The following MYOD1 variants were observed in gnomAD, a reference collection of about 807,000 sequenced individuals.
The protein encoded by MYOD1 is myoblast determination protein 1.
In MYOD1, 15 loss-of-function variants were observed where a neutral mutation model predicts 14.9. The ratio of observed to expected loss-of-function variants is 1.01; its 90% confidence interval spans 0.67 to 1.55. The LOEUF (loss-of-function observed/expected upper bound fraction) is 1.55. Ranked by LOEUF, MYOD1 falls within the 40% of genes most tolerant of loss-of-function variation. MYOD1 has a pLI of 0.00. For synonymous variants in MYOD1, 235 were observed against 218.6 expected, an observed-to-expected ratio of 1.07 and a Z score of -0.66; for missense variants, 529 against 482.6, an observed-to-expected ratio of 1.10 and a Z score of -0.90.
chr11:17,719,752 A>T lies in MYOD1; in HGVS notation c.-31A>T, dbSNP rs1848617101. The T allele has an allele frequency of 6.3e-7, 1 of 1,595,614 alleles. No homozygotes were observed. The highest frequency in any genetic ancestry group is 1.1e-5 in the South Asian group (1 of 87,642). On this transcript the variant is annotated 5_prime_UTR_variant, in exon 1 of 3. In the 5' UTR this introduces an upstream ATG that the reference lacks. Transcript: ENST00000250003. ...ACTCTCTGCCGCTTGGGTTGGGCGA[A>T]GCCAGGACCGTGCCGCGCCACCGCC...
Position 17,720,361 on chromosome 11 carries a change from C to A in MYOD1, c.579C>A (p.Tyr193Ter). 1 of 1,558,700 alleles carries A rather than the reference C, an allele frequency of 6.4e-7. No homozygotes were observed. Residue 193 changes from tyrosine to a stop codon, truncating the protein, a stop_gained, in exon 1 of 3, where the codon TAC (tyrosine) becomes TAA (stop). Coordinates refer to ENST00000250003, the MANE Select transcript of MYOD1 (RefSeq NM_002478.5). LOFTEE classifies it high-confidence loss of function. The stretch of plus-strand genomic sequence containing the variant: ...CCCCGGGCCGCGGCGGCGAGCACTA[C>A]AGCGGCGACTCCGACGCGTCCAGCC... ...PLPPGRGGEH[Y>*]SGDSDASSPR...
Position 17,721,033 on chromosome 11 carries a change from C to A in MYOD1, c.709+53C>A, listed in dbSNP as rs1019101387. 4.0e-6 allele frequency: 6 copies of A among 1,509,992 alleles called. No individual in the cohort carries two copies. In the African/African-American group the frequency reaches 5.6e-5, roughly 14 times the overall value. The allele number at this position is 1,509,992 out of a possible 1,614,324, so 93.5% of individuals were successfully genotyped here. A position where few individuals can be genotyped will look rare whatever the true frequency, so the allele number is the denominator to read the frequency against. On this transcript the variant is annotated intron_variant, in intron 2 of 2. Coordinates refer to ENST00000250003, the MANE Select transcript of MYOD1 (RefSeq NM_002478.5). The surrounding 1 kb of genome is among the most constrained non-coding windows in gnomAD (Gnocchi z 6.2). ...GCTCCTCCTCCTTCATGGAGCTGTCCTGGCCTCTATCTAGGACGCTCCCAC... is the reference window on the plus strand; with the variant it reads ...GCTCCTCCTCCTTCATGGAGCTGTCATGGCCTCTATCTAGGACGCTCCCAC...
Position 17,719,678 on chromosome 11 carries a change from C to A in MYOD1, c.-105C>A. On this transcript the variant is annotated 5_prime_UTR_variant, in exon 1 of 3. Transcript: ENST00000250003. ...AGTGGGTGGGCATTCAGACTGCCAG[C>A]ACTTTGCTATCTACAGCCGGGGCTC... is the stretch of plus-strand genomic sequence containing the variant. 2 of 1,408,202 alleles carry A rather than the reference C, an allele frequency of 1.4e-6. No homozygotes were observed. The highest frequency in any genetic ancestry group is 1.4e-5 in the African/African-American group (1 of 69,918). The allele number at this position is 1,408,202 out of a possible 1,614,324, so 87.2% of individuals were successfully genotyped here.
In MYOD1 at chr11:17,720,304, C is replaced by T. The variant is rs757960106; in HGVS notation, c.522C>T (p.Ala174=). 1.9e-6 allele frequency: 3 copies of T among 1,590,276 alleles called. No homozygotes were observed. Among genetic ancestry groups the T allele is most frequent in the South Asian group, 1.1e-5 (1 of 88,668 alleles). Residue 174 remains alanine, a synonymous_variant, in exon 1 of 3, where the codon GCC becomes GCT. Coordinates refer to ENST00000250003, the MANE Select transcript of MYOD1 (RefSeq NM_002478.5). ...ACCAGGACGCCGCGCCCCCTGGCGCCGCAGCCGCCTTCTATGCGCCGGGCC... is the reference window on the plus strand; with the variant it reads ...ACCAGGACGCCGCGCCCCCTGGCGCTGCAGCCGCCTTCTATGCGCCGGGCC... ...LRDQDAAPPG[A]AAAFYAPGPL...
chr11:17,720,117 A>G lies in MYOD1; in HGVS notation c.335A>G (p.Lys112Arg). Residue 112 changes from lysine (K) to arginine (R), a missense_variant, in exon 1 of 3, where the codon AAG (lysine) becomes AGG (arginine). Lys to Arg is a conservative substitution (Grantham distance 26, BLOSUM62 2). Coordinates refer to ENST00000250003, the MANE Select transcript of MYOD1 (RefSeq NM_002478.5). ...AAGACCACCAACGCCGACCGCCGCAAGGCCGCCACCATGCGCGAGCGGCGC... is the reference window on the plus strand; with the variant it reads ...AAGACCACCAACGCCGACCGCCGCAGGGCCGCCACCATGCGCGAGCGGCGC... ...KRKTTNADRR[K>R]AATMRERRRL... 6.3e-7 allele frequency: 1 copy of G among 1,589,356 alleles called. No homozygotes were observed. Among genetic ancestry groups the G allele is most frequent in the Non-Finnish European group, 8.6e-7 (1 of 1,168,598 alleles).
At position 17,722,023 on chromosome 11, in the gene MYOD1, A is replaced by G. The variant is rs369764128; in HGVS notation, c.*515A>G. 2.1e-4 allele frequency: 43 copies of G among 208,624 alleles called. No individual in the cohort carries two copies. The East Asian group carries it at 2.9e-3, about 14-fold the overall frequency. 12.9% of individuals were successfully genotyped at this position (208,624 alleles called of 1,614,324 possible). Reference sequence around the variant, plus strand: ...AGCAGGAGCCCCTGGGGCTGTATTTATCTCTGAGGCATGGTGTGTGGTGCT... The same window carrying G: ...AGCAGGAGCCCCTGGGGCTGTATTTGTCTCTGAGGCATGGTGTGTGGTGCT... On this transcript the variant is annotated 3_prime_UTR_variant, in exon 3 of 3. Transcript: ENST00000250003.
rs776025790 is a variant in MYOD1, at chr11:17,721,468, C to T, written c.923C>T (p.Pro308Leu). Reference sequence around the variant, plus strand: ...TCACCGGACGCCGCCCCGCAGTGCCCTGCGGGTGCGAACCCCAACCCGATA... The same window carrying T: ...TCACCGGACGCCGCCCCGCAGTGCCTTGCGGGTGCGAACCCCAACCCGATA... ...TQSPDAAPQC[P>L]AGANPNPIYQ... The change falls in exon 3 of 3, where the codon CCT (proline) becomes CTT (leucine). Residue 308 changes from proline to leucine, a missense_variant. Pro to Leu is a moderately conservative substitution (Grantham distance 98). Transcript: ENST00000250003. The surrounding 1 kb of genome is among the most constrained non-coding windows in gnomAD (Gnocchi z 6.2). 1.3e-6 allele frequency: 2 copies of T among 1,588,810 alleles called. No individual in the cohort carries two copies. Among genetic ancestry groups the T allele is most frequent in the South Asian group, 2.2e-5 (2 of 89,678 alleles).
chr11:17,721,014 C>A lies in MYOD1; in HGVS notation c.709+34C>A. ...TCCGGGCCTCTCCCTGCTCGCTCCT[C>A]CTCCTTCATGGAGCTGTCCTGGCCT... is the stretch of plus-strand genomic sequence containing the variant. On this transcript the variant is annotated intron_variant, in intron 2 of 2. Coordinates refer to ENST00000250003, the MANE Select transcript of MYOD1 (RefSeq NM_002478.5). This position sits in a 1 kb window ranked among gnomAD's most constrained non-coding sequence, Gnocchi z 6.2. 6.5e-7 allele frequency: 1 copy of A among 1,545,094 alleles called. No individual in the cohort carries two copies. Among genetic ancestry groups the A allele is most frequent in the Non-Finnish European group, 8.7e-7 (1 of 1,143,636 alleles).
At position 17,719,890 on chromosome 11, in the gene MYOD1, C is replaced by A. The variant is rs370376413; in HGVS notation, c.108C>A (p.Asp36Glu). The change falls in exon 1 of 3, where the codon GAC (aspartate) becomes GAA (glutamate). Residue 36 changes from aspartate (D) to glutamate (E), a missense_variant. Physicochemically the swap from Asp to Glu is conservative, Grantham distance 45. Transcript: ENST00000250003. ...TDDFYDDPCFDSPDLRFFEDL... is the reference protein window; with the variant it reads ...TDDFYDDPCFESPDLRFFEDL... ...ACTTCTATGACGACCCGTGTTTCGA[C>A]TCCCCGGACCTGCGCTTCTTCGAAG... The A allele has an allele frequency of 6.2e-7, 1 of 1,613,964 alleles. No individual in the cohort carries two copies. The highest frequency in any genetic ancestry group is 2.2e-5 in the East Asian group (1 of 44,858).
Position 17,721,537 on chromosome 11 carries a change from G to A in MYOD1, c.*29G>A. 4 of 1,496,658 alleles carry A rather than the reference G, an allele frequency of 2.7e-6. No homozygotes were observed. The highest frequency in any genetic ancestry group is 3.5e-6 in the Non-Finnish European group (4 of 1,129,102). 92.7% of individuals were successfully genotyped at this position (1,496,658 alleles called of 1,614,324 possible). On this transcript the variant is annotated 3_prime_UTR_variant, in exon 3 of 3. Coordinates refer to ENST00000250003, the MANE Select transcript of MYOD1 (RefSeq NM_002478.5). This position sits in a 1 kb window ranked among gnomAD's most constrained non-coding sequence, Gnocchi z 6.2. ...GATGGTGGCCGCCCACCCGCCCGAG[G>A]GATGGTGCCCCTAGGGTCCCTCGCG...
At position 17,720,901 on chromosome 11, in the gene MYOD1, G is replaced by C; in HGVS notation, c.631-1G>C. On this transcript the variant is annotated splice_acceptor_variant, in intron 1 of 2. Transcript: ENST00000250003. LOFTEE classifies it high-confidence loss of function. ...GACTCAGTCGCCCTTGCTGTTTGCA[G>C]ATGGACTACAGCGGCCCCCCGAGCG... 2 of 1,611,864 alleles carry C rather than the reference G, an allele frequency of 1.2e-6. No individual in the cohort carries two copies. The highest frequency in any genetic ancestry group is 1.7e-6 in the Non-Finnish European group (2 of 1,179,520).
chr11:17,721,597 C>G lies in MYOD1; in HGVS notation c.*89C>G. On this transcript the variant is annotated 3_prime_UTR_variant, in exon 3 of 3. Coordinates refer to ENST00000250003, the MANE Select transcript of MYOD1 (RefSeq NM_002478.5). The surrounding 1 kb of genome is among the most constrained non-coding windows in gnomAD (Gnocchi z 6.2). ...TTGAACTTAAATGCCCCCCTCCCAACAGCGCTTTAAAAGCGACCTCTCTTG... is the reference window on the plus strand; with the variant it reads ...TTGAACTTAAATGCCCCCCTCCCAAGAGCGCTTTAAAAGCGACCTCTCTTG... 1.4e-6 allele frequency: 2 copies of G among 1,426,346 alleles called. No individual in the cohort carries two copies. Among genetic ancestry groups the G allele is most frequent in the Non-Finnish European group, 1.8e-6 (2 of 1,087,084 alleles). The allele number at this position is 1,426,346 out of a possible 1,614,324, so 88.4% of individuals were successfully genotyped here.
Position 17,720,285 on chromosome 11 carries a change from A to G in MYOD1, c.503A>G (p.Asp168Gly), listed in dbSNP as rs144403499. ...CTGCAGGCTCTGCTGCGCGACCAGG[A>G]CGCCGCGCCCCCTGGCGCCGCAGCC... ...EGLQALLRDQDAAPPGAAAAF... is the reference protein window; with the variant it reads ...EGLQALLRDQGAAPPGAAAAF... Residue 168 changes from aspartate to glycine, a missense_variant, in exon 1 of 3, where the codon GAC (aspartate) becomes GGC (glycine). Asp to Gly is a moderately conservative substitution (Grantham distance 94). Coordinates refer to ENST00000250003, the MANE Select transcript of MYOD1 (RefSeq NM_002478.5). 60 of 1,594,540 alleles carry G rather than the reference A, an allele frequency of 3.8e-5. No homozygotes were observed. In the African/African-American group the frequency reaches 7.5e-4, roughly 20 times the overall value.
chr11:17,721,227 G>A lies in MYOD1; in HGVS notation c.710-28G>A. 6.6e-7 allele frequency: 1 copy of A among 1,504,444 alleles called. No homozygotes were observed. Among genetic ancestry groups the A allele is most frequent in the Non-Finnish European group, 8.9e-7 (1 of 1,128,316 alleles). The allele number at this position is 1,504,444 out of a possible 1,614,324, so 93.2% of individuals were successfully genotyped here. ...GGAGGCTTGTCGCGGCCCCACCCCT[G>A]CTTACTAACCGAGCCCTCCCCGCGC... On this transcript the variant is annotated intron_variant, in intron 2 of 2. Coordinates refer to ENST00000250003, the MANE Select transcript of MYOD1 (RefSeq NM_002478.5). This position sits in a 1 kb window ranked among gnomAD's most constrained non-coding sequence, Gnocchi z 6.2.
rs551798305 is a variant in MYOD1, at chr11:17,720,468, G to A, written c.630+56G>A. 26 of 1,483,948 alleles carry A rather than the reference G, an allele frequency of 1.8e-5. No homozygotes were observed. The South Asian group carries it at 3.3e-4, about 19-fold the overall frequency. 91.9% of individuals were successfully genotyped at this position (1,483,948 alleles called of 1,614,324 possible). A position where few individuals can be genotyped will look rare whatever the true frequency, so the allele number is the denominator to read the frequency against. ...TTAGGGCGGCGCTCGGGATATCAGGGACGCGTTTCCGAGGGCGGGGAGCTG... is the reference window on the plus strand; with the variant it reads ...TTAGGGCGGCGCTCGGGATATCAGGAACGCGTTTCCGAGGGCGGGGAGCTG... On this transcript the variant is annotated intron_variant, in intron 1 of 2. Transcript: ENST00000250003.
chr11:17,721,311 G>A lies in MYOD1; in HGVS notation c.766G>A (p.Val256Met), dbSNP rs755444576. The change falls in exon 3 of 3, where the codon GTG becomes ATG. Residue 256 changes from valine (V) to methionine (M), a missense_variant. By Grantham distance (21) the Val-to-Met change is conservative. Transcript: ENST00000250003. The surrounding 1 kb of genome is among the most constrained non-coding windows in gnomAD (Gnocchi z 6.2). ...GAGCCTAGACTGCCTGTCCAGCATC[G>A]TGGAGCGCATCTCCACCGAGAGCCC... ...VSSLDCLSSI[V>M]ERISTESPAA... is the part of the protein sequence containing the mutation. 1.3e-6 allele frequency: 2 copies of A among 1,594,910 alleles called. No individual in the cohort carries two copies. Among genetic ancestry groups the A allele is most frequent in the Non-Finnish European group, 1.7e-6 (2 of 1,176,414 alleles).
rs868484942 is a variant in MYOD1 at position 17,720,245 on chromosome 11, C to T, written c.463C>T (p.Arg155Cys). The T allele has an allele frequency of 1.2e-6, 2 of 1,607,396 alleles. No individual in the cohort carries two copies. ...PKVEILRNAI[R>C]YIEGLQALLR... Reference sequence around the variant, plus strand: ...GGTGGAGATCCTGCGCAACGCCATCCGCTATATCGAGGGCCTGCAGGCTCT... The same window carrying T: ...GGTGGAGATCCTGCGCAACGCCATCTGCTATATCGAGGGCCTGCAGGCTCT... The change falls in exon 1 of 3, where the codon CGC (arginine) becomes TGC (cysteine). Residue 155 changes from arginine to cysteine, a missense_variant. Transcript: ENST00000250003.
rs1848633529 is a variant in MYOD1, at chr11:17,721,188, T to A, written c.710-67T>A. 6.9e-7 allele frequency: 1 copy of A among 1,452,648 alleles called. No homozygotes were observed. The highest frequency in any genetic ancestry group is 9.1e-7 in the Non-Finnish European group (1 of 1,102,730). The allele number at this position is 1,452,648 out of a possible 1,614,324, so 90.0% of individuals were successfully genotyped here. On this transcript the variant is annotated intron_variant, in intron 2 of 2. Coordinates refer to ENST00000250003, the MANE Select transcript of MYOD1 (RefSeq NM_002478.5). This position sits in a 1 kb window ranked among gnomAD's most constrained non-coding sequence, Gnocchi z 6.2. The stretch of plus-strand genomic sequence containing the variant: ...CAGTTTCCAATCTGTCTCAAAGTAC[T>A]GGGCCCGGGGGTGGGAGGCTTGTCG...
At position 17,721,098 on chromosome 11, in the gene MYOD1, G is replaced by A. The variant is rs535268000; in HGVS notation, c.709+118G>A. On this transcript the variant is annotated intron_variant, in intron 2 of 2. Coordinates refer to ENST00000250003, the MANE Select transcript of MYOD1 (RefSeq NM_002478.5). The surrounding 1 kb of genome is among the most constrained non-coding windows in gnomAD (Gnocchi z 6.2). ...GCCTATGTCCTGGGAAGTGGTGCAG[G>A]AGATGAAATACTAAGCAAGTAGCTC... 3.5e-6 allele frequency: 5 copies of A among 1,413,470 alleles called. No individual in the cohort carries two copies. The highest frequency in any genetic ancestry group is 2.9e-5 in the Admixed American group (1 of 34,590). The allele number at this position is 1,413,470 out of a possible 1,614,324, so 87.6% of individuals were successfully genotyped here. A position where few individuals can be genotyped will look rare whatever the true frequency, so the allele number is the denominator to read the frequency against.
Sources: allele counts gnomAD v4.1 joint callset, GRCh38; gene constraint gnomAD v4.1.1; non-coding constraint Gnocchi (gnomAD v3.1); transcripts MANE v1.5; gene names NCBI Gene and HGNC (gene_info 2026-07-23, HGNC 2026-07-21).